Variants in LMNTD1 observed in about 807,000 individuals in gnomAD.
LMNTD1 encodes the protein lamin tail domain containing 1, also known as lamin tail domain-containing protein 1.
Under a neutral mutation model 50.9 loss-of-function variants are expected in LMNTD1, and 35 were observed. The ratio of observed to expected loss-of-function variants is 0.69; its 90% confidence interval spans 0.53 to 0.91. The LOEUF is 0.91. Among genes scored for constraint, LMNTD1 ranks in the 40% least tolerant of loss-of-function variants. The pLI is 0.00. For missense variants in LMNTD1, 470 were observed against 475.5 expected, an observed-to-expected ratio of 0.99 and a Z score of 0.11; for synonymous variants, 153 against 161.9, an observed-to-expected ratio of 0.94 and a Z score of 0.42.
At chr12:25,491,146 G>T (rs1938870071) in intron 9 of LMNTD1, among the ~76,000 whole-genome samples, 2 of 152,174 alleles carry the variant, frequency 1.3e-5, no homozygotes, top group African/African-American at 4.8e-5. Flanking sequence ...TTACCACATA[G>T]GTGCTTGATC....
chr12:25,622,838 C>T (rs111254534), intron 1 of LMNTD1, among the ~76,000 whole-genome samples: 2 of 152,112 alleles, frequency 1.3e-5, no homozygotes, highest in African/African-American at 4.8e-5. Context: ...TGTTTGAAGT[C>T]TGATGTCCAC....
intron 1 of LMNTD1, among the ~76,000 whole-genome samples, chr12:25,617,762 G>C (rs73078378): frequency 0.031 from 4,704 of 152,286 alleles, 79 homozygotes; most frequent in Middle Eastern, 0.12. Flanking sequence ...AATGCCACGT[G>C]ATACACAGGT....
At chr12:25,497,471 T>A (rs1228529929) in intron 9 of LMNTD1, 1 of 152,860 alleles carries the variant, frequency 6.5e-6, no homozygotes, top group Non-Finnish European at 1.5e-5. Flanking sequence ...GAACCCCGTC[T>A]TTAGCTAAAC....
chr12:25,533,984 T>G (rs1381296851), intron 4 of LMNTD1, among the ~76,000 whole-genome samples: 1 of 152,110 alleles, frequency 6.6e-6, no homozygotes, highest in Non-Finnish European at 1.5e-5. Context: ...TTCTTAGAGG[T>G]TGAGATGGAG....
intron 9 of LMNTD1, among the ~76,000 whole-genome samples, chr12:25,481,807 A>G (rs1329237213): frequency 2.0e-5 from 3 of 150,510 alleles, no homozygotes; most frequent in Non-Finnish European, 4.4e-5. Context: ...TCAAATCGCA[A>G]CCTAACTACC....
intron 1 of LMNTD1, among the ~76,000 whole-genome samples, chr12:25,601,370 A>C (rs1411836312): frequency 6.6e-6 from 1 of 151,780 alleles, no homozygotes; most frequent in Non-Finnish European, 1.5e-5. Flanking sequence ...AAATAGTTAG[A>C]AAGAATGAAT....
intron 1 of LMNTD1, among the ~76,000 whole-genome samples, chr12:25,606,953 G>C (rs1207081456): frequency 1.3e-5 from 2 of 152,010 alleles, no homozygotes; most frequent in Non-Finnish European, 2.9e-5. Context: ...CTGTGAATCT[G>C]TCTGGTCCTG....
intron 5 of LMNTD1, 24 bp from the exon 6 acceptor site, chr12:25,526,242 A>G: frequency 6.2e-7 from 1 of 1,602,522 alleles, no homozygotes; most frequent in Non-Finnish European, 8.5e-7. Context: ...GTTAATGACA[A>G]ATGCCACTGG....
At position 25,482,661 on chromosome 12, in the gene LMNTD1, A is replaced by C. The variant is rs1040111354; in HGVS notation, c.*23-6201T>G. Among the ~76,000 whole-genome samples the C allele has an allele frequency of 1.3e-4, 19 of 151,956 alleles. 1 individual carries two copies. The highest frequency in any genetic ancestry group is 4.6e-4 in the African/African-American group (19 of 41,226). ...AGAAACAGGAAGTGGTATCCATCTT[A>C]TTTTCAGTTTTTCCAGAAGCCTCTC... On this transcript the variant is annotated intron_variant, in intron 9 of 9. Coordinates refer to ENST00000458174, the MANE Select transcript of LMNTD1 (RefSeq NM_001145728.2).
At chr12:25,614,355 G>A (rs1946309500) in intron 1 of LMNTD1, among the ~76,000 whole-genome samples, 1 of 151,996 alleles carries the variant, frequency 6.6e-6, no homozygotes, top group African/African-American at 2.4e-5. Flanking sequence ...TTCCCTTGAT[G>A]AGCTCCCTAC....
chr12:25,641,327 T>G (rs1946955334), intron 1 of LMNTD1, among the ~76,000 whole-genome samples: 1 of 152,148 alleles, frequency 6.6e-6, no homozygotes, highest in Admixed American at 6.5e-5. Flanking sequence ...GCAGTTTGGC[T>G]GAAAAAAATG....
intron 1 of LMNTD1, among the ~76,000 whole-genome samples, chr12:25,606,596 G>GT (rs1462439609): frequency 6.6e-6 from 1 of 152,114 alleles, no homozygotes; most frequent in Non-Finnish European, 1.5e-5. Context: ...TAATCATGTG[G>GT]TTTTTGTCTT....
intron 1 of LMNTD1, among the ~76,000 whole-genome samples, chr12:25,580,599 ATTCT>A (rs1945243714): frequency 6.6e-6 from 1 of 152,174 alleles, no homozygotes; most frequent in African/African-American, 2.4e-5. Context: ...CTTTATAGTA[ATTCT>A]TTCTAAAACA....
chr12:25,580,994 A>T (rs1467362349), intron 1 of LMNTD1, among the ~76,000 whole-genome samples: 1 of 152,202 alleles, frequency 6.6e-6, no homozygotes, highest in African/African-American at 2.4e-5. Context: ...ATGAACAGTA[A>T]GCTTTAGCCT....
intron 1 of LMNTD1, among the ~76,000 whole-genome samples, chr12:25,605,726 T>C (rs1488846078): frequency 6.6e-6 from 1 of 152,202 alleles, no homozygotes; most frequent in African/African-American, 2.4e-5. Flanking sequence ...ACCAGTACCA[T>C]TCTGTTTTGG....
intron 1 of LMNTD1, among the ~76,000 whole-genome samples, chr12:25,573,213 A>T (rs572669051): frequency 2.0e-5 from 3 of 151,868 alleles, no homozygotes; most frequent in Non-Finnish European, 4.4e-5. Context: ...TCTTATCTTC[A>T]ACCATTACAT....
intron 1 of LMNTD1, among the ~76,000 whole-genome samples, chr12:25,614,751 C>G (rs542641396): frequency 6.6e-6 from 1 of 152,272 alleles, no homozygotes; most frequent in African/African-American, 2.4e-5. Context: ...GCTGCCACAA[C>G]AAAGTATCAC....
intron 8 of LMNTD1, among the ~76,000 whole-genome samples, chr12:25,510,095 G>A (rs1467811527): frequency 6.6e-6 from 1 of 152,118 alleles, no homozygotes; most frequent in Non-Finnish European, 1.5e-5. Context: ...ATTATTTTGT[G>A]TAGTAAACAT....
chr12:25,629,660 C>T (rs974492171), intron 1 of LMNTD1, among the ~76,000 whole-genome samples: 1 of 151,940 alleles, frequency 6.6e-6, no homozygotes, highest in African/African-American at 2.4e-5. Flanking sequence ...TTATTTGGAA[C>T]GGAGTGTGAG....
Sources: allele counts gnomAD v4.1 joint callset (sites outside exome capture counted in the v4.1 genomes callset), GRCh38; gene constraint gnomAD v4.1.1; transcripts MANE v1.5; gene names NCBI Gene and HGNC (gene_info 2026-07-23, HGNC 2026-07-21).